The following RBFOX1 variants were observed in gnomAD, a reference collection of about 807,000 sequenced individuals.
RBFOX1 encodes RNA binding protein fox-1 homolog 1.
A neutral mutation model predicts 57.7 loss-of-function variants in RBFOX1; 8 were observed. The observed-to-expected ratio is 0.14, with a 90% CI of 0.08 to 0.25. The LOEUF (loss-of-function observed/expected upper bound fraction) is 0.25, where lower values mean the gene tolerates loss of function less well. RBFOX1 is among the 10% of genes least tolerant of loss of function. The pLI is 1.00. For synonymous variants in RBFOX1, 326 were observed against 222.4 expected, an observed-to-expected ratio of 1.47 and a Z score of -4.15; for missense variants, 611 against 548.5, an observed-to-expected ratio of 1.11 and a Z score of -1.14.
chr16:5,558,692 G>C lies in RBFOX1; in HGVS notation c.259-40210G>C, dbSNP rs776892438. On this transcript the variant is annotated intron_variant, in intron 2 of 2. Coordinates refer to the RBFOX1 transcript ENST00000585867. Reference sequence around the variant, plus strand: ...CCTGCCATCGTCTCAGTCTTGTGTGGGGTGGGACCCTGAGACTGTCAGCCC... The same window carrying C: ...CCTGCCATCGTCTCAGTCTTGTGTGCGGTGGGACCCTGAGACTGTCAGCCC... Among the ~76,000 whole-genome samples the C allele has an allele frequency of 4.7e-4, 72 of 152,128 alleles. 1 individual carries two copies. Among genetic ancestry groups the C allele is most frequent in the Non-Finnish European group, 1.5e-4 (10 of 68,030 alleles).
At chr16:7,372,375 C>G (rs917004509) in intron 4 of RBFOX1, among the ~76,000 whole-genome samples, 2 of 152,188 alleles carry the variant, frequency 1.3e-5, no homozygotes, top group East Asian at 1.9e-4. Context: ...TGCCAGGCAT[C>G]TGATACTTGC....
chr16:7,435,462 C>A (rs1370115055), intron 4 of RBFOX1, among the ~76,000 whole-genome samples: 2 of 152,176 alleles, frequency 1.3e-5, no homozygotes, highest in Non-Finnish European at 2.9e-5. Context: ...CATTTTTCCT[C>A]TCTTTGCATA....
intron 4 of RBFOX1, among the ~76,000 whole-genome samples, chr16:7,308,781 C>A (rs1439387841): frequency 6.6e-6 from 1 of 152,174 alleles, no homozygotes; most frequent in Non-Finnish European, 1.5e-5. Context: ...AGGCTGCAGG[C>A]GTTGGGGAGG....
intron 2 of RBFOX1, among the ~76,000 whole-genome samples, chr16:6,332,201 A>T (rs540715926): frequency 6.6e-6 from 1 of 152,234 alleles, no homozygotes; most frequent in Non-Finnish European, 1.5e-5. Context: ...ATGAATAGCT[A>T]TGAAAATGAA....
At chr16:5,535,072 A>G (rs1254199795) in intron 2 of RBFOX1, among the ~76,000 whole-genome samples, 3 of 152,220 alleles carry the variant, frequency 2.0e-5, no homozygotes, top group African/African-American at 7.2e-5. Flanking sequence ...GGAGAGAGAT[A>G]AAAAATGTTA....
rs907780370 is a variant in RBFOX1 at position 6,975,304 on chromosome 16, C to T, written c.-15-76753C>T. On this transcript the variant is annotated intron_variant, in intron 3 of 15. Transcript: ENST00000550418. ...TTTTTGAGACAGGGTCTCATTCTGTCACCCAGGCTGGAGTGCAGTGGCACA... is the reference window on the plus strand; with the variant it reads ...TTTTTGAGACAGGGTCTCATTCTGTTACCCAGGCTGGAGTGCAGTGGCACA... Among the ~76,000 whole-genome samples, 8 of 151,988 alleles carry T rather than the reference C, an allele frequency of 5.3e-5. No homozygotes were observed. In the South Asian group the frequency reaches 1.0e-3, roughly 20 times the overall value.
chr16:7,435,503 C>T (rs1269282624), intron 4 of RBFOX1, among the ~76,000 whole-genome samples: 1 of 152,202 alleles, frequency 6.6e-6, no homozygotes, highest in Non-Finnish European at 1.5e-5. Flanking sequence ...TCACTATGAG[C>T]AGTTGACACT....
At chr16:7,532,076 C>A (rs1212293388) in intron 5 of RBFOX1, among the ~76,000 whole-genome samples, 4 of 151,574 alleles carry the variant, frequency 2.6e-5, no homozygotes, top group Non-Finnish European at 4.4e-5. Flanking sequence ...TATATTGTTA[C>A]ACTATAATTT....
intron 1 of RBFOX1, among the ~76,000 whole-genome samples, chr16:5,356,633 A>G (rs528776137): frequency 6.6e-6 from 1 of 152,312 alleles, no homozygotes; most frequent in Non-Finnish European, 1.5e-5. Context: ...TACTTGTTAA[A>G]TGAATGAGCG....
intron 4 of RBFOX1, among the ~76,000 whole-genome samples, chr16:7,443,094 C>G (rs1050954882): frequency 6.6e-6 from 1 of 152,198 alleles, no homozygotes; most frequent in Non-Finnish European, 1.5e-5. Flanking sequence ...CACGAGAACA[C>G]TCTTACCAAG....
intron 2 of RBFOX1, among the ~76,000 whole-genome samples, chr16:6,559,690 C>T (rs1051508987): frequency 5.9e-5 from 9 of 152,042 alleles, no homozygotes; most frequent in South Asian, 2.1e-4. Context: ...AGGTATATAT[C>T]TGTGTATATA....
At chr16:6,990,184 G>A (rs887776150) in intron 3 of RBFOX1, among the ~76,000 whole-genome samples, 70 of 152,242 alleles carry the variant, frequency 4.6e-4, no homozygotes, top group African/African-American at 1.7e-3. Context: ...AGAAATGAAT[G>A]GAATGGCAAC....
chr16:7,580,449 C>T (rs1472047980), intron 6 of RBFOX1, among the ~76,000 whole-genome samples: 1 of 152,120 alleles, frequency 6.6e-6, no homozygotes, highest in Non-Finnish European at 1.5e-5. Context: ...AAACCACCAC[C>T]ACCGACACCA....
chr16:6,790,529 G>A (rs1164142396), intron 3 of RBFOX1, among the ~76,000 whole-genome samples: 1 of 152,130 alleles, frequency 6.6e-6, no homozygotes, highest in Non-Finnish European at 1.5e-5. Flanking sequence ...AGTTTGCAAA[G>A]TGTGGTTCTC....
chr16:5,866,588 T>C (rs2057348163), intron 3 of RBFOX1, among the ~76,000 whole-genome samples: 1 of 152,236 alleles, frequency 6.6e-6, no homozygotes, highest in South Asian at 2.1e-4. Context: ...GGGAGGTGTC[T>C]ACACCAAATC....
At chr16:5,727,079 T>C (rs143084367) in intron 3 of RBFOX1, among the ~76,000 whole-genome samples, 2 of 152,244 alleles carry the variant, frequency 1.3e-5, no homozygotes, top group East Asian at 3.9e-4. Flanking sequence ...GCCCACATGG[T>C]AAAACCCTGT....
At chr16:6,954,876 A>G (rs747762559) in intron 3 of RBFOX1, among the ~76,000 whole-genome samples, 82 of 152,210 alleles carry the variant, frequency 5.4e-4, no homozygotes, top group Non-Finnish European at 1.0e-3. Flanking sequence ...CTATCAATTC[A>G]TGTGTCCTCA....
intron 4 of RBFOX1, among the ~76,000 whole-genome samples, chr16:7,249,980 T>C (rs1034596756): frequency 4.6e-5 from 7 of 152,208 alleles, no homozygotes; most frequent in African/African-American, 1.7e-4. Flanking sequence ...AAGAGAAGCA[T>C]TATAAAATCC....
At chr16:7,174,761 C>G (rs1162196092) in intron 4 of RBFOX1, among the ~76,000 whole-genome samples, 2 of 152,170 alleles carry the variant, frequency 1.3e-5, no homozygotes, top group African/African-American at 4.8e-5. Flanking sequence ...GACTGGGAGA[C>G]AAAGCGAGAC....
Sources: allele counts gnomAD v4.1 joint callset (sites outside exome capture counted in the v4.1 genomes callset), GRCh38; gene constraint gnomAD v4.1.1; transcripts MANE v1.5; gene names NCBI Gene and HGNC (gene_info 2026-07-23, HGNC 2026-07-21).